The following KPNA1 variants were observed in gnomAD, a reference collection of about 807,000 sequenced individuals.
KPNA1 encodes karyopherin subunit alpha 1.
In KPNA1, 10 loss-of-function variants were observed where a neutral mutation model predicts 70.5. The ratio of observed to expected loss-of-function variants is 0.14; its 90% CI spans 0.09 to 0.24. The LOEUF is 0.24. KPNA1 is among the 10% of genes least tolerant of loss of function. The pLI is 1.00. For synonymous variants in KPNA1, 192 were observed against 221.9 expected (o/e 0.87, Z 1.20); for missense variants, 397 against 637.9 (o/e 0.62, Z 4.07).
chr3:122,432,084 GAGCCGCT>G (rs2075918437), intron 12 of KPNA1, among the ~76,000 whole-genome samples: 1 of 152,158 alleles, frequency 6.6e-6, no homozygotes, highest in African/African-American at 2.4e-5. Flanking sequence ...TTACAGACAT[GAGCCGCT>G]GCACCCGGCC....
At chr3:122,494,020 G>A (rs189457190) in intron 2 of KPNA1, among the ~76,000 whole-genome samples, 1 of 151,366 alleles carries the variant, frequency 6.6e-6, no homozygotes, top group African/African-American at 2.4e-5. Flanking sequence ...TTTTTTTCTT[G>A]TTGTTTGAGT....
intron 5 of KPNA1, chr3:122,459,509 C>G: frequency 5.1e-6 from 5 of 985,416 alleles, no homozygotes; most frequent in Non-Finnish European, 6.0e-6. Context: ...CTCTGGTTCT[C>G]GGCAGGTTGC....
intron 5 of KPNA1, among the ~76,000 whole-genome samples, chr3:122,457,226 T>C (rs553538009): frequency 2.4e-4 from 37 of 152,356 alleles, no homozygotes; most frequent in Non-Finnish European, 4.4e-4. Context: ...TTTTTGTTTT[T>C]TCTAAATGTT....
At chr3:122,452,609 G>GGAAGGAAGGAAA (rs1460674224) in intron 6 of KPNA1, among the ~76,000 whole-genome samples, 1 of 96,384 alleles carries the variant, frequency 1.0e-5, no homozygotes, top group Admixed American at 9.6e-5. Flanking sequence ...AAGGAAGGAA[G>GGAAGGAAGGAAA]GGAGGGAGGG....
intron 10 of KPNA1, among the ~76,000 whole-genome samples, chr3:122,439,258 C>A (rs1576284566): frequency 6.6e-6 from 1 of 152,196 alleles, no homozygotes; most frequent in East Asian, 1.9e-4. Context: ...TCATAGCTCA[C>A]TGCAACCTCA....
At chr3:122,514,213 AC>A (rs1382496643) in intron 1 of KPNA1, among the ~76,000 whole-genome samples, 1 of 147,490 alleles carries the variant, frequency 6.8e-6, no homozygotes, top group Non-Finnish European at 1.5e-5. Context: ...GGCCGTCTCC[AC>A]CCCCCGCTTC....
At chr3:122,447,081 T>C (rs1385687943) in intron 9 of KPNA1, among the ~76,000 whole-genome samples, 1 of 152,224 alleles carries the variant, frequency 6.6e-6, no homozygotes, top group African/African-American at 2.4e-5. Context: ...AGCCAAGTTC[T>C]ACCAGAGGTA....
At chr3:122,484,518 C>T (rs972492478) in intron 2 of KPNA1, among the ~76,000 whole-genome samples, 11 of 151,882 alleles carry the variant, frequency 7.2e-5, no homozygotes, top group African/African-American at 2.7e-4. Context: ...TGGTGGTGGG[C>T]GCCTATAATC....
chr3:122,437,752 A>G (rs1011090025), intron 10 of KPNA1, among the ~76,000 whole-genome samples: 7 of 152,230 alleles, frequency 4.6e-5, no homozygotes, highest in African/African-American at 1.7e-4. Flanking sequence ...ATATGACCTC[A>G]GCTATCAGTT....
At position 122,496,575 on chromosome 3, in the gene KPNA1, A is replaced by C. The variant is rs2076763927; in HGVS notation, c.-5-5T>G. The C allele has an allele frequency of 6.2e-7, 1 of 1,612,804 alleles. No homozygotes were observed. The highest frequency in any genetic ancestry group is 1.1e-5 in the South Asian group (1 of 91,002). ...TTCCTGGGGTGGTCATGATTTCTACAATACAAGTGGGGAGAGAACAAATGA... is the reference window on the plus strand; with the variant it reads ...TTCCTGGGGTGGTCATGATTTCTACCATACAAGTGGGGAGAGAACAAATGA... On this transcript the variant is annotated splice_polypyrimidine_tract_variant and splice_region_variant and intron_variant, in intron 1 of 13. Coordinates refer to ENST00000344337, the MANE Select transcript of KPNA1 (RefSeq NM_002264.4).
intron 2 of KPNA1, among the ~76,000 whole-genome samples, chr3:122,477,071 T>C (rs1458282386): frequency 1.3e-5 from 2 of 152,030 alleles, no homozygotes; most frequent in East Asian, 1.9e-4. Context: ...GTGTGGTCTA[T>C]ATATACAACA....
At position 122,427,583 on chromosome 3, in the gene KPNA1, C is replaced by T. The variant is rs1233464588; in HGVS notation, c.1384G>A (p.Gly462Ser). 6.2e-7 allele frequency: 1 copy of T among 1,613,984 alleles called. No individual in the cohort carries two copies. Among genetic ancestry groups the T allele is most frequent in the Non-Finnish European group, 8.5e-7 (1 of 1,180,020 alleles). ...RLGEQEAKRN[G>S]TGINPYCALI... ...GCACAGTAAGGGTTAATGCCAGTGC[C>T]ATTCCTTTTGGCTTCCTGTTCTCCA... is the stretch of plus-strand genomic sequence containing the variant. The change falls in exon 13 of 14, where the codon GGC (glycine) becomes AGC (serine). Residue 462 changes from glycine (G) to serine (S), a missense_variant. Gly to Ser is a moderately conservative substitution (Grantham distance 56, BLOSUM62 0). Transcript: ENST00000344337.
intron 1 of KPNA1, among the ~76,000 whole-genome samples, chr3:122,505,268 A>G (rs1191254010): frequency 8.4e-6 from 1 of 119,604 alleles, no homozygotes; most frequent in Admixed American, 8.6e-5. Flanking sequence ...GTACCACTGC[A>G]TGCCTCAAAA....
rs1377270559 is a variant in KPNA1, at chr3:122,496,505, G to C, written c.61C>G (p.Pro21Ala). ...LKSYKNKSLNPDEMRRRREEE... is the reference protein window; with the variant it reads ...LKSYKNKSLNADEMRRRREEE... ...TCCCTCCTCCTGCGCATCTCATCGG[G>C]ATTCAGAGATTTGTTCTTGTAACTT... Residue 21 changes from proline (P) to alanine (A), a missense_variant, in exon 2 of 14, where the codon CCC becomes GCC. Pro to Ala is a conservative substitution (Grantham distance 27). Coordinates refer to ENST00000344337, the MANE Select transcript of KPNA1 (RefSeq NM_002264.4). 6.2e-7 allele frequency: 1 copy of C among 1,613,704 alleles called. No individual in the cohort carries two copies. Among genetic ancestry groups the C allele is most frequent in the Non-Finnish European group, 8.5e-7 (1 of 1,179,700 alleles).
intron 2 of KPNA1, among the ~76,000 whole-genome samples, chr3:122,488,459 T>C (rs1474102285): frequency 2.6e-5 from 4 of 152,152 alleles, no homozygotes; most frequent in Non-Finnish European, 4.4e-5. Flanking sequence ...GTTGAGGCTA[T>C]AGTGAGTTGT....
intron 12 of KPNA1, chr3:122,433,260 C>T (rs974116319): frequency 1.3e-5 from 2 of 159,626 alleles, no homozygotes; most frequent in African/African-American, 4.8e-5. Flanking sequence ...GACATCTAAA[C>T]TAAAAAGGGC....
intron 2 of KPNA1, among the ~76,000 whole-genome samples, chr3:122,490,563 G>A (rs937806203): frequency 8.5e-5 from 13 of 152,312 alleles, no homozygotes; most frequent in Admixed American, 7.8e-4. Context: ...GCTAGTTCAA[G>A]TTGGCTCTGA....
intron 2 of KPNA1, among the ~76,000 whole-genome samples, chr3:122,489,719 T>G (rs546439911): frequency 2.8e-4 from 42 of 152,346 alleles, no homozygotes; most frequent in Middle Eastern, 3.4e-3. Context: ...ATTACAGTTG[T>G]GTTTTCCTGC....
At position 122,425,891 on chromosome 3, in the gene KPNA1, T is replaced by C. The variant is rs1444237707; in HGVS notation, c.*1094A>G. On this transcript the variant is annotated 3_prime_UTR_variant, in exon 14 of 14. Transcript: ENST00000344337. ...AGGAATCGTGTGCAGCATGAAAAGA[T>C]TAGAATCGAGCTGCACCTAAGAAAA... 6.6e-6 allele frequency: 1 copy of C among 152,574 alleles called. No individual in the cohort carries two copies. The highest frequency in any genetic ancestry group is 1.5e-5 in the Non-Finnish European group (1 of 68,016). The allele number at this position is 152,574 out of a possible 1,614,324, so 9.5% of individuals were successfully genotyped here. A position where few individuals can be genotyped will look rare whatever the true frequency, so the allele number is the denominator to read the frequency against.
Sources: gnomAD v4.1 joint callset for allele counts (sites outside exome capture counted in the v4.1 genomes callset) on GRCh38, gnomAD v4.1.1 for gene constraint, MANE v1.5 for transcripts, NCBI Gene and HGNC (gene_info 2026-07-23, HGNC 2026-07-21) for gene names.